PHIP: variants seen among roughly 807,000 people sequenced by gnomAD.
PHIP encodes the protein PHIP subunit of CUL4-Ring ligase complex, also known as PH-interacting protein.
In PHIP, 54 loss-of-function variants were observed where a neutral mutation model predicts 236.8. That is an observed-to-expected ratio of 0.23 (90% CI 0.18 to 0.29). The LOEUF is 0.29. Ranked by LOEUF, PHIP falls within the 10% of genes least tolerant of loss-of-function variation. The pLI is 1.00. For synonymous variants in PHIP, 756 were observed against 718.9 expected (o/e 1.05, Z -0.83); for missense variants, 1,370 against 2,190.8 (o/e 0.63, Z 7.48).
At chr6:79,032,751 G>A (rs1297429692) in intron 7 of PHIP, among the ~76,000 whole-genome samples, 1 of 151,210 alleles carries the variant, frequency 6.6e-6, no homozygotes, top group Non-Finnish European at 1.5e-5. Flanking sequence ...CTCCTCCCAA[G>A]AATCACGAAT....
rs370648558 is a variant in PHIP, at chr6:78,998,432, C to A, written c.1880-41G>T. On this transcript the variant is annotated intron_variant, in intron 17 of 39. Transcript: ENST00000275034. ...CAAAATATTACGAATATTTTAGCTA[C>A]TATTCAAACCATTTTACTCACCAAC... 1.7e-5 allele frequency: 27 copies of A among 1,566,334 alleles called. No individual in the cohort carries two copies. In the African/African-American group the frequency reaches 3.0e-4, roughly 17 times the overall value.
intron 19 of PHIP, among the ~76,000 whole-genome samples, chr6:78,991,774 T>C (rs1319621844): frequency 2.0e-5 from 3 of 152,048 alleles, no homozygotes; most frequent in Non-Finnish European, 2.9e-5. Flanking sequence ...TGGCTGGCCA[T>C]AATTCTGAAT....
intron 7 of PHIP, among the ~76,000 whole-genome samples, chr6:79,041,884 G>T (rs1338619921): frequency 2.0e-5 from 3 of 152,044 alleles, no homozygotes; most frequent in South Asian, 2.1e-4. Context: ...TTTTACAGAT[G>T]ACTGGGTGTA....
chr6:79,059,624 T>TATATATATAA (rs1491376288), intron 6 of PHIP, among the ~76,000 whole-genome samples: 1 of 65,780 alleles, frequency 1.5e-5, no homozygotes, highest in Non-Finnish European at 3.3e-5. Flanking sequence ...TATATATATA[T>TATATATATAA]AAAAATGCCA....
chr6:79,029,273 G>T (rs1771546037), intron 7 of PHIP, among the ~76,000 whole-genome samples: 1 of 152,112 alleles, frequency 6.6e-6, no homozygotes. Flanking sequence ...AGGACTCCCG[G>T]AAGATTTTCC....
chr6:79,001,887 A>G lies in PHIP; in HGVS notation c.1879+12T>C, dbSNP rs748245249. 3.9e-6 allele frequency: 6 copies of G among 1,556,770 alleles called. No individual in the cohort carries two copies. Among genetic ancestry groups the G allele is most frequent in the Non-Finnish European group, 5.3e-6 (6 of 1,128,432 alleles). On this transcript the variant is annotated intron_variant, in intron 17 of 39. Coordinates refer to ENST00000275034, the MANE Select transcript of PHIP (RefSeq NM_017934.7). ...GAAGAAAATTTGATTGTCTAAGAAA[A>G]TGAGCACCTACCTGAGGAAGTTACT...
intron 27 of PHIP, among the ~76,000 whole-genome samples, chr6:78,966,887 G>A (rs1225245553): frequency 2.0e-5 from 3 of 152,134 alleles, no homozygotes; most frequent in African/African-American, 4.8e-5. Flanking sequence ...TTCAAATAAC[G>A]TATCTGTATA....
intron 4 of PHIP, among the ~76,000 whole-genome samples, chr6:79,065,841 C>A (rs975617446): frequency 1.3e-5 from 2 of 151,178 alleles, no homozygotes; most frequent in Admixed American, 6.6e-5. Context: ...ATAAAACAAT[C>A]TTTTCTACTT....
chr6:79,014,093 T>C (rs1770722815), intron 15 of PHIP, among the ~76,000 whole-genome samples: 1 of 151,700 alleles, frequency 6.6e-6, no homozygotes, highest in Non-Finnish European at 1.5e-5. Context: ...TTACCTAATG[T>C]ATTCTAAGGC....
intron 31 of PHIP, among the ~76,000 whole-genome samples, chr6:78,959,725 T>C (rs916436533): frequency 1.8e-4 from 28 of 152,292 alleles, no homozygotes; most frequent in African/African-American, 6.5e-4. Context: ...CAAATGTTTT[T>C]TTCCTAAATT....
At chr6:78,968,678 C>T (rs533416442) in intron 27 of PHIP, among the ~76,000 whole-genome samples, 1 of 152,312 alleles carries the variant, frequency 6.6e-6, no homozygotes, top group South Asian at 2.1e-4. Context: ...ATACTGCTTG[C>T]TCCTAAGCAA....
chr6:78,973,172 G>T (rs948162033), intron 24 of PHIP, among the ~76,000 whole-genome samples: 60 of 152,206 alleles, frequency 3.9e-4, no homozygotes, highest in African/African-American at 1.4e-3. Context: ...GACTAACAGC[G>T]GATCTCTCAG....
intron 27 of PHIP, among the ~76,000 whole-genome samples, chr6:78,966,737 A>G (rs923050289): frequency 5.9e-5 from 9 of 152,188 alleles, no homozygotes; most frequent in Non-Finnish European, 1.3e-4. Context: ...TTTCTTATCT[A>G]AATATTCTCA....
At chr6:79,043,080 T>C in intron 6 of PHIP, 77 bp from the exon 7 acceptor site, 1 of 1,124,586 alleles carries the variant, frequency 8.9e-7, no homozygotes, top group Non-Finnish European at 1.3e-6. Flanking sequence ...AGAATTCACA[T>C]ACTCCAATTT....
chr6:78,935,040 AC>A lies in PHIP; in HGVS notation c.*5652del, dbSNP rs1773218073. On this transcript the variant is annotated 3_prime_UTR_variant, in exon 40 of 40. Transcript: ENST00000275034. ...GTTTTGTGCTTTGGTCTTTAATCTT[AC>A]TTCCGTTAAATACTGGGGAATCCTG... 6.6e-6 allele frequency among the ~76,000 whole-genome samples: 1 copy of A among 152,136 alleles called. No homozygotes were observed. The highest frequency in any genetic ancestry group is 6.6e-5 in the Admixed American group (1 of 15,264).
chr6:79,025,964 A>C lies in PHIP; in HGVS notation c.801T>G (p.Ser267Arg). Residue 267 changes from serine (S) to arginine (R), a missense_variant, in exon 8 of 40, where the codon AGT becomes AGG. This residue lies in a region of PHIP where 188 missense variants were observed against 354.3 expected (regional missense o/e 0.53). Coordinates refer to ENST00000275034, the MANE Select transcript of PHIP (RefSeq NM_017934.7). The stretch of plus-strand genomic sequence containing the variant: ...TTACCTGTAGTGATGTAATAGATGC[A>C]CTATGGCCCTGAAGAACAGCCAAAG... ...CAPLAVLQGHSASITSLQFSP... is the reference protein window; with the variant it reads ...CAPLAVLQGHRASITSLQFSP... 1 of 1,611,590 alleles carries C rather than the reference A, an allele frequency of 6.2e-7. No individual in the cohort carries two copies. The highest frequency in any genetic ancestry group is 8.5e-7 in the Non-Finnish European group (1 of 1,177,820).
intron 12 of PHIP, 97 bp from the exon 13 acceptor site, chr6:79,016,739 T>A (rs990385399): frequency 2.8e-6 from 2 of 707,476 alleles, no homozygotes; most frequent in East Asian, 2.6e-5. Context: ...ACAGCATTCA[T>A]CTTTATTTAT....
intron 15 of PHIP, among the ~76,000 whole-genome samples, chr6:79,007,095 G>A (rs767275038): frequency 6.6e-5 from 10 of 151,958 alleles, no homozygotes; most frequent in Admixed American, 3.3e-4. Flanking sequence ...TAAATGAGTA[G>A]TATAAACTTG....
At chr6:79,051,769 CTATTT>C (rs1772806506) in intron 6 of PHIP, among the ~76,000 whole-genome samples, 1 of 152,116 alleles carries the variant, frequency 6.6e-6, no homozygotes, top group Non-Finnish European at 1.5e-5. Flanking sequence ...AATCTTCCTC[CTATTT>C]TATTTCCTGG....
Sources: gnomAD v4.1 joint callset for allele counts (sites outside exome capture counted in the v4.1 genomes callset) on GRCh38, gnomAD v4.1.1 for gene constraint, gnomAD v4.1.1 regional missense constraint, MANE v1.5 for transcripts, NCBI Gene and HGNC (gene_info 2026-07-23, HGNC 2026-07-21) for gene names.